The following SLC24A3 variants were observed in gnomAD, a reference collection of about 807,000 sequenced individuals.
The protein encoded by SLC24A3 is solute carrier family 24 member 3.
SLC24A3 carries 28 observed loss-of-function variants against 75.8 expected under a neutral mutation model. The observed-to-expected ratio is 0.37, with a 90% CI of 0.27 to 0.51. The LOEUF (loss-of-function observed/expected upper bound fraction) is 0.51, where lower values mean the gene tolerates loss of function less well. Among genes scored for constraint, SLC24A3 ranks in the 20% least tolerant of loss-of-function variants. The probability of loss-of-function intolerance (pLI) is 0.94; values close to 1 mark genes in which losing one functional copy is unlikely to be tolerated. For missense variants in SLC24A3, 663 were observed against 847.8 expected, an observed-to-expected ratio of 0.78 and a Z score of 2.71; for synonymous variants, 372 against 334.1, an observed-to-expected ratio of 1.11 and a Z score of -1.24.
intron 2 of SLC24A3, among the ~76,000 whole-genome samples, chr20:19,354,919 C>T (rs1208935716): frequency 6.6e-6 from 1 of 152,086 alleles, no homozygotes; most frequent in Non-Finnish European, 1.5e-5. Flanking sequence ...CACTTCTCCT[C>T]CTTTGGGCAG....
intron 2 of SLC24A3, among the ~76,000 whole-genome samples, chr20:19,444,335 T>G (rs190593223): frequency 1.3e-5 from 2 of 152,338 alleles, no homozygotes; most frequent in East Asian, 3.8e-4. Context: ...GGAGTAATGT[T>G]GGCCTTAGAG....
intron 2 of SLC24A3, among the ~76,000 whole-genome samples, chr20:19,364,788 C>T (rs1309088232): frequency 6.6e-6 from 1 of 152,144 alleles, no homozygotes; most frequent in African/African-American, 2.4e-5. Flanking sequence ...CACCTTGCCT[C>T]AGCATCCCCA....
Position 19,685,339 on chromosome 20 carries a change from G to C in SLC24A3, c.1302G>C (p.Pro434=), listed in dbSNP as rs368548348. ...EEEDEDDDEG[P]YTPFDTPSGK... ...AGGACGAGGATGATGATGAAGGACC[G>C]TACACACCATTCGACACCCCCTGTA... Residue 434 remains proline, a synonymous_variant, in exon 12 of 17, where the codon CCG becomes CCC. Coordinates refer to ENST00000328041, the MANE Select transcript of SLC24A3 (RefSeq NM_020689.4). 1.9e-6 allele frequency: 3 copies of C among 1,614,060 alleles called. No individual in the cohort carries two copies. The Admixed American group carries it at 5.0e-5, about 27-fold the overall frequency.
At chr20:19,374,091 A>G (rs1272978762) in intron 2 of SLC24A3, among the ~76,000 whole-genome samples, 1 of 152,184 alleles carries the variant, frequency 6.6e-6, no homozygotes, top group East Asian at 1.9e-4. Flanking sequence ...GATCCGGTAA[A>G]GAAAGAGCCT....
At chr20:19,404,967 G>A (rs1454948621) in intron 2 of SLC24A3, among the ~76,000 whole-genome samples, 2 of 152,116 alleles carry the variant, frequency 1.3e-5, no homozygotes, top group Non-Finnish European at 2.9e-5. Context: ...GGGGTACTTA[G>A]GACAGAGAGA....
At chr20:19,525,992 G>A (rs1437599216) in intron 3 of SLC24A3, among the ~76,000 whole-genome samples, 1 of 152,186 alleles carries the variant, frequency 6.6e-6, no homozygotes, top group African/African-American at 2.4e-5. Flanking sequence ...AGGTAGGGGA[G>A]TGGGAGAGGA....
rs191498560 is a variant in SLC24A3, at chr20:19,431,157, T to C, written c.272-84331T>C. Among the ~76,000 whole-genome samples, 470 of 152,112 alleles carry C rather than the reference T, an allele frequency of 3.1e-3. 7 individuals are homozygous for C. The highest frequency in any genetic ancestry group is 0.018 in the Admixed American group (270 of 15,290). On this transcript the variant is annotated intron_variant, in intron 2 of 16. Coordinates refer to ENST00000328041, the MANE Select transcript of SLC24A3 (RefSeq NM_020689.4). ...TGAGCACTACAGTGAGGACTCTGGT[T>C]CTGCCCTCAACCCAGCCCCATGTGA...
chr20:19,416,256 C>A (rs927242432), intron 2 of SLC24A3, among the ~76,000 whole-genome samples: 5 of 152,160 alleles, frequency 3.3e-5, no homozygotes, highest in Admixed American at 1.3e-4. Context: ...ACAACACAAT[C>A]ATTTGCTAAA....
intron 15 of SLC24A3, among the ~76,000 whole-genome samples, chr20:19,708,431 G>A (rs1454428507): frequency 1.3e-5 from 2 of 152,132 alleles, no homozygotes; most frequent in African/African-American, 2.4e-5. Context: ...CAACCATTCC[G>A]AATTCAGGCT....
intron 2 of SLC24A3, among the ~76,000 whole-genome samples, chr20:19,475,135 G>A (rs1244209878): frequency 6.6e-6 from 1 of 152,092 alleles, no homozygotes; most frequent in Non-Finnish European, 1.5e-5. Context: ...TCAGGAGATC[G>A]AAACCATCCT....
intron 13 of SLC24A3, chr20:19,693,982 G>T (rs6081711): frequency 0.36 from 55,104 of 152,226 alleles, 10,493 homozygotes; most frequent in African/African-American, 0.46. Context: ...AAGGCACAAA[G>T]AATTGGGAAA....
chr20:19,390,310 T>C (rs75856287), intron 2 of SLC24A3, among the ~76,000 whole-genome samples: 6,952 of 152,298 alleles, frequency 0.046, 529 homozygotes, highest in African/African-American at 0.16. Flanking sequence ...TGTGTTGGTA[T>C]CTGCCCATTT....
At chr20:19,459,427 T>G (rs1319416894) in intron 2 of SLC24A3, among the ~76,000 whole-genome samples, 2 of 152,182 alleles carry the variant, frequency 1.3e-5, no homozygotes, top group Non-Finnish European at 2.9e-5. Flanking sequence ...ACTGGCTCAC[T>G]ACTATTCTTC....
At chr20:19,424,806 T>A (rs1489694989) in intron 2 of SLC24A3, among the ~76,000 whole-genome samples, 2 of 147,508 alleles carry the variant, frequency 1.4e-5, no homozygotes, top group Non-Finnish European at 3.0e-5. Context: ...AAAGACATTA[T>A]CTTACATAAC....
At chr20:19,456,261 C>G (rs1600236841) in intron 2 of SLC24A3, among the ~76,000 whole-genome samples, 2 of 152,314 alleles carry the variant, frequency 1.3e-5, no homozygotes, top group South Asian at 2.1e-4. Flanking sequence ...TTGGCTATGT[C>G]TCCACCAAAA....
At chr20:19,291,232 G>T (rs1023393129) in intron 2 of SLC24A3, among the ~76,000 whole-genome samples, 1 of 152,182 alleles carries the variant, frequency 6.6e-6, no homozygotes, top group Admixed American at 6.5e-5. Flanking sequence ...GCTTCGGGGT[G>T]GAATGAGGCC....
At chr20:19,365,037 T>G (rs541937667) in intron 2 of SLC24A3, among the ~76,000 whole-genome samples, 8 of 152,032 alleles carry the variant, frequency 5.3e-5, no homozygotes, top group Admixed American at 5.2e-4. Flanking sequence ...ACATCATCTG[T>G]TGAGAATGAG....
chr20:19,479,682 C>T (rs1431187303), intron 2 of SLC24A3, among the ~76,000 whole-genome samples: 1 of 152,198 alleles, frequency 6.6e-6, no homozygotes, highest in African/African-American at 2.4e-5. Context: ...CTCTGGGAGA[C>T]AGTAGGGGAG....
intron 2 of SLC24A3, among the ~76,000 whole-genome samples, chr20:19,437,239 C>A (rs531374263): frequency 6.6e-6 from 1 of 152,268 alleles, no homozygotes; most frequent in Non-Finnish European, 1.5e-5. Context: ...GTGTCAAGGG[C>A]AGGACCAGGT....
Sources: allele counts gnomAD v4.1 joint callset (sites outside exome capture counted in the v4.1 genomes callset), GRCh38; gene constraint gnomAD v4.1.1; transcripts MANE v1.5; gene names NCBI Gene and HGNC (gene_info 2026-07-23, HGNC 2026-07-21).